The following COL26A1 variants were observed in gnomAD, a reference collection of about 807,000 sequenced individuals.
The protein encoded by COL26A1 is collagen type XXVI alpha 1 chain, also known as collagen alpha-1(XXVI) chain.
A neutral mutation model predicts 59.3 loss-of-function variants in COL26A1; 41 were observed. The observed-to-expected ratio is 0.69, with a 90% CI of 0.54 to 0.90. The LOEUF is 0.90. Ranked by LOEUF, COL26A1 falls within the 40% of genes least tolerant of loss-of-function variation. COL26A1 has a pLI of 0.00. For synonymous variants in COL26A1, 266 were observed against 256.0 expected (o/e 1.04, Z -0.37); for missense variants, 612 against 602.3 (o/e 1.02, Z -0.17).
intron 1 of COL26A1, among the ~76,000 whole-genome samples, chr7:101,367,494 G>A (rs191170131): frequency 1.2e-3 from 175 of 151,646 alleles, no homozygotes; most frequent in African/African-American, 4.1e-3. Context: ...GTGAAAACCC[G>A]TGTCTACTAA....
chr7:101,416,657 A>T (rs770074097), intron 1 of COL26A1, among the ~76,000 whole-genome samples: 1 of 143,862 alleles, frequency 7.0e-6, no homozygotes, highest in Non-Finnish European at 1.6e-5. Flanking sequence ...TTTGCAGCTC[A>T]TCGGTTTGCC....
intron 8 of COL26A1, 112 bp from the exon 9 acceptor site, chr7:101,549,059 C>T (rs1795804895): frequency 1.8e-6 from 1 of 560,010 alleles, no homozygotes. Context: ...ACCATTCATT[C>T]CCAAACCCTC....
chr7:101,510,058 G>A (rs567437795), intron 3 of COL26A1, among the ~76,000 whole-genome samples: 1 of 126,644 alleles, frequency 7.9e-6, no homozygotes, highest in East Asian at 2.0e-4. Context: ...GTCTCACTCT[G>A]TCACCCAGGC....
chr7:101,527,030 G>A (rs1795261439), intron 3 of COL26A1, among the ~76,000 whole-genome samples: 1 of 152,146 alleles, frequency 6.6e-6, no homozygotes, highest in Non-Finnish European at 1.5e-5. Flanking sequence ...GAGTGCAGTG[G>A]CACAATGACA....
intron 3 of COL26A1, among the ~76,000 whole-genome samples, chr7:101,484,582 G>A (rs1021731536): frequency 8.6e-5 from 13 of 151,670 alleles, no homozygotes; most frequent in African/African-American, 3.2e-4. Context: ...TGTTGGTCAG[G>A]CTGGTCTCGA....
intron 3 of COL26A1, among the ~76,000 whole-genome samples, chr7:101,511,181 C>T (rs1330991409): frequency 6.6e-6 from 1 of 152,172 alleles, no homozygotes; most frequent in African/African-American, 2.4e-5. Context: ...GGATTACAGG[C>T]GTGAGCCACC....
intron 5 of COL26A1, among the ~76,000 whole-genome samples, chr7:101,540,465 A>G (rs199610372): frequency 6.7e-6 from 1 of 150,098 alleles, no homozygotes. Flanking sequence ...TTGAACCCGG[A>G]AGGCGGAGGT....
intron 3 of COL26A1, among the ~76,000 whole-genome samples, chr7:101,458,222 T>G (rs990520889): frequency 3.9e-5 from 6 of 152,150 alleles, no homozygotes; most frequent in Non-Finnish European, 5.9e-5. Context: ...TAAGGATAAT[T>G]CCTTAAGTCA....
At chr7:101,415,211 G>A (rs1792345593) in intron 1 of COL26A1, among the ~76,000 whole-genome samples, 1 of 151,054 alleles carries the variant, frequency 6.6e-6, no homozygotes, top group Non-Finnish European at 1.5e-5. Context: ...GGAGTGCCGT[G>A]GTGCGATCTT....
intron 3 of COL26A1, among the ~76,000 whole-genome samples, chr7:101,491,607 T>G (rs186273824): frequency 9.2e-5 from 14 of 152,284 alleles, no homozygotes; most frequent in Non-Finnish European, 4.4e-5. Flanking sequence ...AGGGGTGGAT[T>G]ATTCATGCCT....
chr7:101,531,878 G>T (rs573742584), intron 3 of COL26A1, among the ~76,000 whole-genome samples: 72 of 152,236 alleles, frequency 4.7e-4, no homozygotes, highest in African/African-American at 1.7e-3. Context: ...GTGTCGGGGG[G>T]CCGTGGACTG....
intron 1 of COL26A1, among the ~76,000 whole-genome samples, chr7:101,407,529 T>C (rs1257659081): frequency 6.6e-6 from 1 of 151,488 alleles, no homozygotes; most frequent in Admixed American, 6.6e-5. Context: ...TGTAGGACAG[T>C]GGCCATAGAT....
intron 3 of COL26A1, among the ~76,000 whole-genome samples, chr7:101,518,780 T>C (rs1795083019): frequency 1.3e-5 from 2 of 152,308 alleles, no homozygotes; most frequent in South Asian, 2.1e-4. Context: ...CTGCTGGGAC[T>C]GATCACTTAT....
intron 3 of COL26A1, among the ~76,000 whole-genome samples, chr7:101,480,054 C>A (rs1465436133): frequency 6.6e-6 from 1 of 152,134 alleles, no homozygotes; most frequent in Non-Finnish European, 1.5e-5. Context: ...AACTCCTGGG[C>A]TCAAGCAGTC....
At chr7:101,479,684 A>G (rs1459551395) in intron 3 of COL26A1, among the ~76,000 whole-genome samples, 1 of 152,184 alleles carries the variant, frequency 6.6e-6, no homozygotes, top group African/African-American at 2.4e-5. Context: ...TCAATTCCAG[A>G]AAACCTCAAG....
chr7:101,482,565 G>A (rs552081822), intron 3 of COL26A1, among the ~76,000 whole-genome samples: 73 of 152,284 alleles, frequency 4.8e-4, no homozygotes, highest in African/African-American at 1.7e-3. Context: ...GATGGACTAG[G>A]TTGCACTTTG....
At chr7:101,461,408 C>T (rs34478924) in intron 3 of COL26A1, among the ~76,000 whole-genome samples, 66,255 of 151,206 alleles carry the variant, frequency 0.44, 15,308 homozygotes, top group Middle Eastern at 0.54. Context: ...AAGCGATTCT[C>T]CTGCCTCAGC....
intron 4 of COL26A1, among the ~76,000 whole-genome samples, chr7:101,533,683 G>T (rs1795417550): frequency 1.3e-5 from 2 of 152,128 alleles, no homozygotes; most frequent in Non-Finnish European, 2.9e-5. Context: ...GGCCAAGAAG[G>T]GTATGCCCAG....
chr7:101,395,061 C>T (rs1451671842), intron 1 of COL26A1, among the ~76,000 whole-genome samples: 6 of 149,954 alleles, frequency 4.0e-5, no homozygotes, highest in African/African-American at 1.5e-4. Flanking sequence ...TTAGTAGAGA[C>T]GGGGTTTCTC....
Sources: allele counts gnomAD v4.1 joint callset (sites outside exome capture counted in the v4.1 genomes callset), GRCh38; gene constraint gnomAD v4.1.1; transcripts MANE v1.5; gene names NCBI Gene and HGNC (gene_info 2026-07-23, HGNC 2026-07-21).